Variants in RASGRF2 observed in about 807,000 individuals in gnomAD.
The protein encoded by RASGRF2 is ras-specific guanine nucleotide-releasing factor 2.
Under a neutral mutation model 151.0 loss-of-function variants are expected in RASGRF2, and 76 were observed. That is an observed-to-expected ratio of 0.50 (90% CI 0.42 to 0.61). The LOEUF is 0.61. Ranked by LOEUF, RASGRF2 falls within the 20% of genes least tolerant of loss-of-function variation. The probability of loss-of-function intolerance (pLI) is 0.00; values close to 1 mark genes in which losing one functional copy is unlikely to be tolerated. For synonymous variants in RASGRF2, 504 were observed against 566.5 expected, an observed-to-expected ratio of 0.89 and a Z score of 1.57; for missense variants, 1,148 against 1,564.6, an observed-to-expected ratio of 0.73 and a Z score of 4.49.
intron 1 of RASGRF2, among the ~76,000 whole-genome samples, chr5:81,013,201 C>G (rs932096365): frequency 6.6e-6 from 1 of 152,206 alleles, no homozygotes; most frequent in African/African-American, 2.4e-5. Flanking sequence ...CAGCTGAAAT[C>G]TTTGATCAGT....
chr5:81,189,543 G>T (rs1038445212), intron 18 of RASGRF2, among the ~76,000 whole-genome samples: 1 of 150,916 alleles, frequency 6.6e-6, no homozygotes. Context: ...CAGGCTGGGG[G>T]GCAGTGGTGC....
chr5:81,225,964 G>A lies in RASGRF2; in HGVS notation c.*194G>A, dbSNP rs1755990881. ...GTCAAAGACAGATGCTTCAGACTTG[G>A]GTGGGAAGGTGAAAGATGGCTATTT... On this transcript the variant is annotated 3_prime_UTR_variant, in exon 27 of 27. Transcript: ENST00000265080. 5.8e-6 allele frequency: 3 copies of A among 515,224 alleles called. No individual in the cohort carries two copies. The highest frequency in any genetic ancestry group is 8.4e-5 in the Admixed American group (2 of 23,914). The allele number at this position is 515,224 out of a possible 1,614,324, so 31.9% of individuals were successfully genotyped here. A position where few individuals can be genotyped will look rare whatever the true frequency, so the allele number is the denominator to read the frequency against.
At chr5:80,975,985 C>G (rs1748099801) in intron 1 of RASGRF2, among the ~76,000 whole-genome samples, 1 of 151,936 alleles carries the variant, frequency 6.6e-6, no homozygotes, top group Admixed American at 6.6e-5. Flanking sequence ...GCTGGGATTA[C>G]AGGCATGTGC....
At chr5:81,183,106 G>A (rs1754953997) in intron 18 of RASGRF2, 1 of 847,508 alleles carries the variant, frequency 1.2e-6, no homozygotes, top group Non-Finnish European at 1.4e-6. Flanking sequence ...AAATGAGTAG[G>A]AAGTTGTACT....
chr5:81,217,336 A>G lies in RASGRF2; in HGVS notation c.3435-20A>G, dbSNP rs760969652. ...CATTTATTCAAATGAGTCTCAGAAC[A>G]GTGCCTCTTGGTCTTGCAGTTGTAA... On this transcript the variant is annotated intron_variant, in intron 24 of 26. Coordinates refer to ENST00000265080, the MANE Select transcript of RASGRF2 (RefSeq NM_006909.3). 6.3e-7 allele frequency: 1 copy of G among 1,588,684 alleles called. No individual in the cohort carries two copies. The highest frequency in any genetic ancestry group is 8.5e-7 in the Non-Finnish European group (1 of 1,171,476).
chr5:81,183,136 A>T, intron 18 of RASGRF2: 1 of 963,418 alleles, frequency 1.0e-6, no homozygotes, highest in Non-Finnish European at 1.2e-6. Flanking sequence ...ACTACAGCCA[A>T]GCATGGTAAC....
intron 1 of RASGRF2, among the ~76,000 whole-genome samples, chr5:80,995,180 T>C (rs1410273737): frequency 1.7e-4 from 23 of 137,964 alleles, no homozygotes; most frequent in Admixed American, 1.6e-3. Flanking sequence ...GGCGTAAACC[T>C]GGGAGGCGGA....
At chr5:81,046,604 C>G (rs566735127) in intron 2 of RASGRF2, among the ~76,000 whole-genome samples, 2 of 152,040 alleles carry the variant, frequency 1.3e-5, no homozygotes, top group South Asian at 4.2e-4. Context: ...AGGCCAGAGC[C>G]TTTTCATAGT....
chr5:81,150,588 T>C (rs1365229992), intron 17 of RASGRF2, among the ~76,000 whole-genome samples: 1 of 152,200 alleles, frequency 6.6e-6, no homozygotes, highest in Non-Finnish European at 1.5e-5. Flanking sequence ...ATTTATTCTT[T>C]GGATTTCTTC....
intron 7 of RASGRF2, among the ~76,000 whole-genome samples, chr5:81,084,413 A>G (rs1561600025): frequency 2.0e-5 from 3 of 152,226 alleles, no homozygotes. Context: ...TAAGGGCTGT[A>G]TTAGTGAGAA....
At chr5:81,121,840 C>T (rs1453911711) in intron 15 of RASGRF2, among the ~76,000 whole-genome samples, 1 of 152,114 alleles carries the variant, frequency 6.6e-6, no homozygotes, top group Non-Finnish European at 1.5e-5. Context: ...GTATTCAGAC[C>T]CCATTACTCC....
chr5:81,162,076 C>T (rs771247995), intron 17 of RASGRF2, among the ~76,000 whole-genome samples: 1 of 151,508 alleles, frequency 6.6e-6, no homozygotes, highest in African/African-American at 2.4e-5. Context: ...TCAGCACACA[C>T]AAAAGATGGG....
chr5:81,022,737 G>T (rs1353484955), intron 1 of RASGRF2, among the ~76,000 whole-genome samples: 1 of 152,152 alleles, frequency 6.6e-6, no homozygotes, highest in Non-Finnish European at 1.5e-5. Context: ...CCCTGGGAGA[G>T]GGGGGCACTA....
chr5:81,179,222 G>T (rs974738763), intron 17 of RASGRF2, among the ~76,000 whole-genome samples: 1 of 152,214 alleles, frequency 6.6e-6, no homozygotes, highest in Non-Finnish European at 1.5e-5. Flanking sequence ...CCAGCACAGA[G>T]AAGACTCAAA....
chr5:81,127,289 C>T (rs550003698), intron 17 of RASGRF2, 126 bp downstream of exon 17: 11 of 979,214 alleles, frequency 1.1e-5, no homozygotes, highest in South Asian at 3.4e-5. Flanking sequence ...TTTGGGAAGC[C>T]GAAGCAGAAG....
At chr5:81,000,853 C>T (rs1257456311) in intron 1 of RASGRF2, among the ~76,000 whole-genome samples, 3 of 152,194 alleles carry the variant, frequency 2.0e-5, no homozygotes, top group Non-Finnish European at 4.4e-5. Context: ...TACAGAACAA[C>T]GTGCGTAACT....
intron 16 of RASGRF2, among the ~76,000 whole-genome samples, chr5:81,125,335 G>T (rs545838612): frequency 6.6e-6 from 1 of 152,346 alleles, no homozygotes; most frequent in South Asian, 2.1e-4. Context: ...CAACTAGGAA[G>T]GTCTCAGTCT....
chr5:81,174,166 G>A (rs192592616), intron 17 of RASGRF2, among the ~76,000 whole-genome samples: 34 of 152,332 alleles, frequency 2.2e-4, no homozygotes, highest in Middle Eastern at 6.8e-3. Context: ...AGAGTAAGGT[G>A]TCCCACCTGA....
At chr5:81,121,478 G>T (rs1012300577) in intron 15 of RASGRF2, among the ~76,000 whole-genome samples, 3 of 152,174 alleles carry the variant, frequency 2.0e-5, no homozygotes, top group Non-Finnish European at 4.4e-5. Flanking sequence ...TCATTGCAAT[G>T]ATAATGCCAG....
Sources: gnomAD v4.1 joint callset for allele counts (sites outside exome capture counted in the v4.1 genomes callset) on GRCh38, gnomAD v4.1.1 for gene constraint, MANE v1.5 for transcripts, NCBI Gene and HGNC (gene_info 2026-07-23, HGNC 2026-07-21) for gene names.